ZNF81: variants seen among roughly 807,000 people sequenced by gnomAD.
ZNF81 encodes the protein zinc finger protein 81 (HFZ20).
A neutral mutation model predicts 32.3 loss-of-function variants in ZNF81; 5 were observed. That is an observed-to-expected ratio of 0.15 (90% CI 0.08 to 0.33). The LOEUF (loss-of-function observed/expected upper bound fraction) is 0.33. Ranked by LOEUF, ZNF81 falls within the 10% of genes least tolerant of loss-of-function variation. The pLI, the probability that ZNF81 is intolerant of heterozygous loss-of-function variation, is 1.00. For synonymous variants in ZNF81, 163 were observed against 166.8 expected (o/e 0.98, Z 0.17); for missense variants, 379 against 479.8 (o/e 0.79, Z 1.96).
At chrX:47,845,340 C>A (rs781893677) in intron 1 of ZNF81, among the ~76,000 whole-genome samples, 305 of 111,394 alleles carry the variant, frequency 2.7e-3, no homozygotes, top group Non-Finnish European at 3.7e-3. Context: ...GACACCCTCT[C>A]CTCCCTAGTT....
rs782758252 is a variant in ZNF81 at position 47,921,910 on chromosome X, A to G, written c.*5278A>G. The G allele has an allele frequency of 3.8e-4, 42 of 111,648 alleles. No individual in the cohort carries two copies. Among genetic ancestry groups the G allele is most frequent in the African/African-American group, 1.3e-3 (39 of 30,786 alleles). The allele number at this position is 111,648 out of a possible 1,213,427, so 9.2% of individuals were successfully genotyped here. ...TTTGAGCCATACGAATTCCTGACCC[A>G]TAGAAACTGCAAGACAATAAATGTT... On this transcript the variant is annotated 3_prime_UTR_variant, in exon 5 of 5. Coordinates refer to ENST00000338637, the MANE Select transcript of ZNF81 (RefSeq NM_007137.5).
chrX:47,910,236 T>C (rs2058735003), intron 4 of ZNF81, among the ~76,000 whole-genome samples: 1 of 111,138 alleles, frequency 9.0e-6, no homozygotes, highest in African/African-American at 3.3e-5. Flanking sequence ...AATTGACAAA[T>C]GGGATCTAAT....
chrX:47,894,000 T>C (rs1316966278), intron 3 of ZNF81, among the ~76,000 whole-genome samples: 1 of 111,213 alleles, frequency 9.0e-6, no homozygotes, highest in Non-Finnish European at 1.9e-5. Flanking sequence ...GCACCAAAAC[T>C]GTCAAAGAAA....
intron 1 of ZNF81, among the ~76,000 whole-genome samples, chrX:47,842,390 A>T (rs1018554275): frequency 2.7e-5 from 3 of 109,467 alleles, no homozygotes; most frequent in African/African-American, 1.0e-4. Context: ...TGGCGGGGGG[A>T]GTCTGTTCCT....
At chrX:47,850,347 TA>T (rs146962959) in intron 2 of ZNF81, among the ~76,000 whole-genome samples, 82 of 83,119 alleles carry the variant, frequency 9.9e-4, no homozygotes, top group South Asian at 4.8e-3. Flanking sequence ...ACCCATCTCT[TA>T]AAAAAAAAAA....
intron 2 of ZNF81, among the ~76,000 whole-genome samples, chrX:47,882,324 T>C (rs2058624370): frequency 8.9e-6 from 1 of 112,255 alleles, no homozygotes; most frequent in African/African-American, 3.2e-5. Context: ...TTTAAATCCC[T>C]GTAGATTAAA....
intron 3 of ZNF81, among the ~76,000 whole-genome samples, chrX:47,892,267 C>T (rs1308566501): frequency 9.0e-6 from 1 of 111,387 alleles, no homozygotes; most frequent in Non-Finnish European, 1.9e-5. Flanking sequence ...CCCCTGCCAC[C>T]CCAGGATCCA....
intron 3 of ZNF81, among the ~76,000 whole-genome samples, chrX:47,891,024 A>G (rs1161613801): frequency 8.9e-6 from 1 of 111,961 alleles, no homozygotes; most frequent in Admixed American, 9.4e-5. Flanking sequence ...CATTAGTGTC[A>G]TGGACCAGTG....
intron 2 of ZNF81, among the ~76,000 whole-genome samples, chrX:47,885,220 C>T (rs1229900530): frequency 1.8e-5 from 2 of 111,536 alleles, no homozygotes; most frequent in Non-Finnish European, 3.8e-5. Flanking sequence ...TTTCTGGCTG[C>T]TTTTAAAATC....
At chrX:47,888,205 C>T (rs2058649957) in intron 3 of ZNF81, 80 bp downstream of exon 3, 1 of 1,126,051 alleles carries the variant, frequency 8.9e-7, no homozygotes, top group Non-Finnish European at 1.2e-6. Flanking sequence ...TGTTGAAGTC[C>T]TAATACCCCA....
chrX:47,881,205 A>G (rs2058619493), intron 2 of ZNF81, among the ~76,000 whole-genome samples: 1 of 111,693 alleles, frequency 9.0e-6, no homozygotes, highest in African/African-American at 3.3e-5. Flanking sequence ...ATAACTCGCA[A>G]TCTTCCTGCT....
chrX:47,886,986 A>G (rs1389620423), intron 2 of ZNF81, among the ~76,000 whole-genome samples: 1 of 111,743 alleles, frequency 8.9e-6, no homozygotes, highest in Non-Finnish European at 1.9e-5. Context: ...AATTTTTGTT[A>G]ATTTTTGTAT....
chrX:47,861,091 C>G (rs2058538671), intron 2 of ZNF81: 1 of 111,544 alleles, frequency 9.0e-6, no homozygotes, highest in Non-Finnish European at 1.9e-5. Context: ...ATTATTGAAC[C>G]CGAGGAGGAG....
intron 1 of ZNF81, among the ~76,000 whole-genome samples, chrX:47,843,195 A>C (rs1403283285): frequency 1.8e-5 from 2 of 111,245 alleles, no homozygotes; most frequent in Non-Finnish European, 3.8e-5. Flanking sequence ...ACTCTATTGT[A>C]TATATATGGC....
intron 2 of ZNF81, among the ~76,000 whole-genome samples, chrX:47,879,562 C>G (rs1043740001): frequency 1.8e-4 from 20 of 111,899 alleles, no homozygotes; most frequent in Non-Finnish European, 3.8e-5. Context: ...ACAGTGGGTT[C>G]CATTATATGA....
chrX:47,901,219 C>A (rs1274956698), intron 4 of ZNF81, among the ~76,000 whole-genome samples: 1 of 111,705 alleles, frequency 9.0e-6, no homozygotes, highest in Non-Finnish European at 1.9e-5. Context: ...GAACTCTTAC[C>A]ATTGATTCTT....
At chrX:47,867,221 A>C (rs1331985307) in intron 2 of ZNF81, among the ~76,000 whole-genome samples, 1 of 111,733 alleles carries the variant, frequency 8.9e-6, no homozygotes, top group Non-Finnish European at 1.9e-5. Context: ...CTATGTAACA[A>C]ACCTGCACAT....
At chrX:47,905,738 T>G (rs1839879946) in intron 4 of ZNF81, among the ~76,000 whole-genome samples, 1 of 111,913 alleles carries the variant, frequency 8.9e-6, no homozygotes, top group South Asian at 3.7e-4. Flanking sequence ...TCAAAGAAAT[T>G]ACAAGTTGAC....
Position 47,919,326 on chromosome X carries a change from C to T in ZNF81, c.*2694C>T. The T allele has an allele frequency of 3.7e-6, 1 of 273,782 alleles. No homozygotes were observed. Among genetic ancestry groups the T allele is most frequent in the South Asian group, 3.7e-5 (1 of 26,713 alleles). 22.6% of individuals were successfully genotyped at this position (273,782 alleles called of 1,213,427 possible). A position where few individuals can be genotyped will look rare whatever the true frequency, so the allele number is the denominator to read the frequency against. On this transcript the variant is annotated 3_prime_UTR_variant, in exon 5 of 5. Transcript: ENST00000338637. Reference sequence around the variant, plus strand: ...TCAAATTCACTGATGTTTTTTCTCTCACCCTGGCTTTGTCAAGTCTACTGC... The same window carrying T: ...TCAAATTCACTGATGTTTTTTCTCTTACCCTGGCTTTGTCAAGTCTACTGC...
Sources: gnomAD v4.1 joint callset for allele counts (sites outside exome capture counted in the v4.1 genomes callset) on GRCh38, gnomAD v4.1.1 for gene constraint, MANE v1.5 for transcripts, NCBI Gene and HGNC (gene_info 2026-07-23, HGNC 2026-07-21) for gene names.